CSMD1: variants seen among roughly 807,000 people sequenced by gnomAD.
The protein encoded by CSMD1 is CUB and Sushi multiple domains 1.
In CSMD1, 213 loss-of-function variants were observed where a neutral mutation model predicts 417.5. That is an observed-to-expected ratio of 0.51 (90% CI 0.46 to 0.57). CSMD1 has a LOEUF of 0.57. Among genes scored for constraint, CSMD1 ranks in the 20% least tolerant of loss-of-function variants. The pLI, the probability that CSMD1 is intolerant of heterozygous loss-of-function variation, is 0.00. For synonymous variants in CSMD1, 2,862 were observed against 1,736.8 expected, an observed-to-expected ratio of 1.65 and a Z score of -16.11; for missense variants, 6,923 against 4,529.7, an observed-to-expected ratio of 1.53 and a Z score of -15.17.
chr8:3,330,356 CA>C (rs1419200857), intron 23 of CSMD1, among the ~76,000 whole-genome samples: 2 of 152,142 alleles, frequency 1.3e-5, no homozygotes, highest in East Asian at 1.9e-4. Flanking sequence ...AAGTGCCCAT[CA>C]GCGAGAGACT....
At chr8:4,864,728 C>T (rs1013200283) in intron 1 of CSMD1, among the ~76,000 whole-genome samples, 4 of 151,540 alleles carry the variant, frequency 2.6e-5, no homozygotes, top group Admixed American at 1.3e-4. Flanking sequence ...TTAAAAAATT[C>T]GAAGTATATT....
intron 22 of CSMD1, among the ~76,000 whole-genome samples, chr8:3,345,012 G>A (rs532811028): frequency 1.3e-5 from 2 of 152,166 alleles, no homozygotes; most frequent in South Asian, 2.1e-4. Flanking sequence ...TAATTCCAGA[G>A]GAATCTGGGT....
intron 3 of CSMD1, among the ~76,000 whole-genome samples, chr8:4,050,285 G>C (rs7814135): frequency 6.6e-6 from 1 of 152,054 alleles, no homozygotes; most frequent in Non-Finnish European, 1.5e-5. Flanking sequence ...TGGAAGGGAG[G>C]AACTATGAGC....
chr8:3,922,758 T>C (rs1809364736), intron 5 of CSMD1, among the ~76,000 whole-genome samples: 1 of 152,208 alleles, frequency 6.6e-6, no homozygotes, highest in Non-Finnish European at 1.5e-5. Flanking sequence ...ATTGTAGGTA[T>C]GGTTATTTTT....
At chr8:4,220,715 G>T (rs1000280163) in intron 3 of CSMD1, among the ~76,000 whole-genome samples, 1 of 152,202 alleles carries the variant, frequency 6.6e-6, no homozygotes, top group African/African-American at 2.4e-5. Context: ...TGCATGCATT[G>T]AGCAATTCAC....
chr8:3,240,686 A>G (rs1412644174), intron 26 of CSMD1, among the ~76,000 whole-genome samples: 2 of 152,108 alleles, frequency 1.3e-5, no homozygotes, highest in African/African-American at 4.8e-5. Flanking sequence ...GGAATAGTAA[A>G]GAAAGCAGGT....
intron 3 of CSMD1, among the ~76,000 whole-genome samples, chr8:4,096,510 G>A (rs1430693150): frequency 1.3e-5 from 2 of 152,130 alleles, no homozygotes; most frequent in Non-Finnish European, 2.9e-5. Context: ...GACAGCCAAT[G>A]ACTACTTAGA....
Position 3,258,252 on chromosome 8 carries a change from G to A in CSMD1, c.4153+25892C>T, listed in dbSNP as rs148110663. On this transcript the variant is annotated intron_variant, in intron 26 of 69. Coordinates refer to ENST00000635120, the MANE Select transcript of CSMD1 (RefSeq NM_033225.6). ...ATAAGGAACTTGGACAAATTTACAC[G>A]ACAAAAACAACCCCATTAAAACATG... Among the ~76,000 whole-genome samples, 312 of 152,154 alleles carry A rather than the reference G, an allele frequency of 2.1e-3. 4 individuals carry two copies. The highest frequency in any genetic ancestry group is 7.3e-3 in the African/African-American group (302 of 41,508).
At chr8:4,044,729 C>CGTACCACCCTGGTCAT (rs796819865) in intron 3 of CSMD1, among the ~76,000 whole-genome samples, 20 of 23,992 alleles carry the variant, frequency 8.3e-4, no homozygotes, top group South Asian at 2.8e-3. Context: ...ACCCTGGACA[C>CGTACCACCCTGGTCAT]GTACCACCCT....
chr8:3,930,937 A>G (rs549203968), intron 5 of CSMD1, among the ~76,000 whole-genome samples: 1 of 150,766 alleles, frequency 6.6e-6, no homozygotes, highest in South Asian at 2.1e-4. Flanking sequence ...TGTTGCTAGG[A>G]TTCTTAAAAA....
chr8:3,218,415 G>T (rs1003432419), intron 29 of CSMD1, among the ~76,000 whole-genome samples: 1 of 151,498 alleles, frequency 6.6e-6, no homozygotes, highest in African/African-American at 2.4e-5. Flanking sequence ...CAAAAAATCA[G>T]CCGGGCGTGG....
chr8:4,772,518 A>C (rs534950689), intron 1 of CSMD1, among the ~76,000 whole-genome samples: 1 of 152,222 alleles, frequency 6.6e-6, no homozygotes, highest in South Asian at 2.1e-4. Context: ...CTGGTATTAC[A>C]GCATGGATAT....
At chr8:4,341,715 T>C (rs1800488412) in intron 3 of CSMD1, among the ~76,000 whole-genome samples, 1 of 152,146 alleles carries the variant, frequency 6.6e-6, no homozygotes, top group African/African-American at 2.4e-5. Flanking sequence ...TTAGTCAATA[T>C]GTTTTTTCAA....
chr8:3,992,059 T>C (rs1335700671), intron 5 of CSMD1, among the ~76,000 whole-genome samples: 2 of 151,674 alleles, frequency 1.3e-5, no homozygotes, highest in Non-Finnish European at 2.9e-5. Context: ...AATATCATGT[T>C]AATTATATCC....
At chr8:4,384,186 C>G (rs760244687) in intron 3 of CSMD1, among the ~76,000 whole-genome samples, 8 of 152,150 alleles carry the variant, frequency 5.3e-5, no homozygotes, top group Non-Finnish European at 7.3e-5. Flanking sequence ...AGACATCCTG[C>G]TCAAGATTAG....
chr8:4,804,358 G>A (rs1270498349), intron 1 of CSMD1, among the ~76,000 whole-genome samples: 1 of 152,042 alleles, frequency 6.6e-6, no homozygotes, highest in East Asian at 1.9e-4. Context: ...ATATAATAGA[G>A]AATCATTGAT....
intron 23 of CSMD1, among the ~76,000 whole-genome samples, chr8:3,321,355 G>C (rs1806141997): frequency 1.3e-5 from 2 of 152,136 alleles, no homozygotes. Flanking sequence ...GTATTGTCCA[G>C]ATCCTCCCTG....
rs79984512 is a variant in CSMD1, at chr8:4,823,831, G to A, written c.85+170501C>T. Among the ~76,000 whole-genome samples the A allele has an allele frequency of 8.0e-3, 1,210 of 152,064 alleles. 5 individuals carry two copies. Among genetic ancestry groups the A allele is most frequent in the Non-Finnish European group, 0.013 (891 of 67,948 alleles). Reference sequence around the variant, plus strand: ...GGGGAGAAAAAGAAAGCTCACAGAGGTTGAAGATAAATGAGGCTTGAGAGA... The same window carrying A: ...GGGGAGAAAAAGAAAGCTCACAGAGATTGAAGATAAATGAGGCTTGAGAGA... On this transcript the variant is annotated intron_variant, in intron 1 of 69. Transcript: ENST00000635120.
At chr8:3,908,375 T>C (rs887074198) in intron 5 of CSMD1, among the ~76,000 whole-genome samples, 3 of 152,240 alleles carry the variant, frequency 2.0e-5, no homozygotes, top group Non-Finnish European at 4.4e-5. Context: ...GGATACATTT[T>C]CCCAATGGGA....
Sources: allele counts gnomAD v4.1 joint callset (sites outside exome capture counted in the v4.1 genomes callset), GRCh38; gene constraint gnomAD v4.1.1; transcripts MANE v1.5; gene names NCBI Gene and HGNC (gene_info 2026-07-23, HGNC 2026-07-21).